TDRP: variants seen among roughly 807,000 people sequenced by gnomAD.
TDRP encodes testis development related protein.
A neutral mutation model predicts 10.5 loss-of-function variants in TDRP; 12 were observed. That is an observed-to-expected ratio of 1.15 (90% CI 0.73 to 1.86). The LOEUF (loss-of-function observed/expected upper bound fraction) is 1.86. Among genes scored for constraint, TDRP ranks in the 40% most tolerant of loss-of-function variants. The pLI, the probability that TDRP is intolerant of heterozygous loss-of-function variation, is 0.00. For synonymous variants in TDRP, 139 were observed against 95.4 expected (o/e 1.46, Z -2.67); for missense variants, 353 against 229.2 (o/e 1.54, Z -3.49).
chr8:523,259 C>G (rs781727478), intron 1 of TDRP, among the ~76,000 whole-genome samples: 68 of 152,088 alleles, frequency 4.5e-4, no homozygotes, highest in Non-Finnish European at 6.8e-4. Context: ...TTTAACTTAA[C>G]CCCGCATATA....
chr8:533,107 G>T (rs949122565), intron 1 of TDRP, among the ~76,000 whole-genome samples: 5 of 152,194 alleles, frequency 3.3e-5, no homozygotes, highest in African/African-American at 4.8e-5. Flanking sequence ...CTAGCACCAT[G>T]CTGTCTCCCC....
upstream of TDRP, among the ~76,000 whole-genome samples, chr8:545,368 C>A (rs1343508226): frequency 7.1e-6 from 1 of 140,580 alleles, no homozygotes; most frequent in Admixed American, 6.9e-5. Flanking sequence ...CCCCGAGCCC[C>A]CACCCGGCCC....
chr8:522,821 A>G (rs916943764), intron 1 of TDRP, among the ~76,000 whole-genome samples: 1 of 152,186 alleles, frequency 6.6e-6, no homozygotes, highest in African/African-American at 2.4e-5. Flanking sequence ...TTTATCCGAT[A>G]TAAGTAGGCC....
intron 1 of TDRP, among the ~76,000 whole-genome samples, chr8:510,580 A>T (rs1801589441): frequency 6.6e-6 from 1 of 152,260 alleles, no homozygotes; most frequent in Non-Finnish European, 1.5e-5. Flanking sequence ...GGAATAACAC[A>T]ATCAGAGCAC....
intron 1 of TDRP, among the ~76,000 whole-genome samples, chr8:511,142 A>G (rs1563122203): frequency 6.6e-6 from 1 of 152,314 alleles, no homozygotes; most frequent in East Asian, 1.9e-4. Flanking sequence ...TACTAATTCA[A>G]TATTAAATGT....
At chr8:534,903 G>A (rs74866190) in intron 1 of TDRP, among the ~76,000 whole-genome samples, 2,103 of 152,228 alleles carry the variant, frequency 0.014, 36 homozygotes, top group African/African-American at 0.048. Context: ...CACATGGCAG[G>A]CACCAGTATC....
rs1802595365 is a variant in TDRP at position 544,819 on chromosome 8, G to A, written c.-62C>T. On this transcript the variant is annotated 5_prime_UTR_variant, in exon 1 of 3. Coordinates refer to ENST00000324079, the MANE Select transcript of TDRP (RefSeq NM_001384899.1). ...CGGGCTGTGGCTCCGCGTCCCTCCC[G>A]GCCGCCGGACGCTCTGCCTGCGGCT... is the stretch of plus-strand genomic sequence containing the variant. 5 of 1,160,800 alleles carry A rather than the reference G, an allele frequency of 4.3e-6. No homozygotes were observed. In the South Asian group the frequency reaches 1.7e-4, roughly 40 times the overall value. The allele number at this position is 1,160,800 out of a possible 1,614,324, so 71.9% of individuals were successfully genotyped here. A position where few individuals can be genotyped will look rare whatever the true frequency, so the allele number is the denominator to read the frequency against.
At chr8:542,731 C>G (rs986831519) in intron 1 of TDRP, among the ~76,000 whole-genome samples, 8 of 151,760 alleles carry the variant, frequency 5.3e-5, no homozygotes, top group Non-Finnish European at 1.2e-4. Context: ...GGCGTGGTGA[C>G]ACATGCTCGT....
At chr8:505,639 C>T (rs772597699) in intron 1 of TDRP, among the ~76,000 whole-genome samples, 1 of 152,174 alleles carries the variant, frequency 6.6e-6, no homozygotes, top group Admixed American at 6.5e-5. Context: ...GCAGCAGGAA[C>T]GCATGGCCAA....
chr8:529,224 C>T (rs1193686727), intron 1 of TDRP, among the ~76,000 whole-genome samples: 1 of 152,176 alleles, frequency 6.6e-6, no homozygotes, highest in African/African-American at 2.4e-5. Context: ...ATCCTTCAAT[C>T]CAATCAAGTT....
At chr8:494,445 C>G (rs1220719207) in intron 2 of TDRP, 49 bp downstream of exon 2, 80 of 1,544,016 alleles carry the variant, frequency 5.2e-5, no homozygotes, top group Non-Finnish European at 6.4e-5. Context: ...TCCTCAGTGA[C>G]TTCCTCCCTC....
At position 494,740 on chromosome 8, in the gene TDRP, T is replaced by C. The variant is rs375163664; in HGVS notation, c.109-143A>G. On this transcript the variant is annotated intron_variant, in intron 1 of 2. Transcript: ENST00000324079. Reference sequence around the variant, plus strand: ...TTAGCTTTCCATACCTGTGCGCACATAGTTTACTCCCATTAGCTACTAGTC... The same window carrying C: ...TTAGCTTTCCATACCTGTGCGCACACAGTTTACTCCCATTAGCTACTAGTC... 40 of 656,080 alleles carry C rather than the reference T, an allele frequency of 6.1e-5. No homozygotes were observed. The East Asian group carries it at 9.2e-4, about 15-fold the overall frequency. 40.6% of individuals were successfully genotyped at this position (656,080 alleles called of 1,614,324 possible). A position where few individuals can be genotyped will look rare whatever the true frequency, so the allele number is the denominator to read the frequency against.
intron 1 of TDRP, among the ~76,000 whole-genome samples, chr8:528,522 A>G (rs1192382678): frequency 6.7e-6 from 1 of 150,012 alleles, no homozygotes; most frequent in Non-Finnish European, 1.5e-5. Context: ...GTATCCATCA[A>G]CATCAACATA....
At chr8:511,623 C>G (rs972232034) in intron 1 of TDRP, among the ~76,000 whole-genome samples, 3 of 152,188 alleles carry the variant, frequency 2.0e-5, no homozygotes, top group South Asian at 2.1e-4. Flanking sequence ...TTACAGAACT[C>G]TCCAACAATA....
chr8:526,059 T>A (rs1408091563), intron 1 of TDRP, among the ~76,000 whole-genome samples: 2 of 152,240 alleles, frequency 1.3e-5, no homozygotes, highest in Non-Finnish European at 2.9e-5. Context: ...GATTTTCCAA[T>A]TTATTGGCAT....
chr8:493,997 T>G (rs1443508443), intron 2 of TDRP, among the ~76,000 whole-genome samples: 2 of 147,722 alleles, frequency 1.4e-5, no homozygotes, highest in African/African-American at 5.0e-5. Context: ...TCTGTTGTTT[T>G]TTTTTTTTTT....
chr8:541,798 G>C (rs750761118), intron 1 of TDRP, among the ~76,000 whole-genome samples: 1 of 152,194 alleles, frequency 6.6e-6, no homozygotes, highest in Non-Finnish European at 1.5e-5. Context: ...CTCATTCCTT[G>C]TCCATGGGAG....
rs961183192 is a variant in TDRP at position 490,772 on chromosome 8, C to A, written c.*1627G>T. ...CTGTATTATGGAACAAAGAAAACCT[C>A]CACAACTTCACCATTTCAAGGTTCT... On this transcript the variant is annotated 3_prime_UTR_variant, in exon 3 of 3. Coordinates refer to ENST00000324079, the MANE Select transcript of TDRP (RefSeq NM_001384899.1). 2.6e-5 allele frequency: 4 copies of A among 152,156 alleles called. No individual in the cohort carries two copies. The highest frequency in any genetic ancestry group is 5.9e-5 in the Non-Finnish European group (4 of 68,032). The allele number at this position is 152,156 out of a possible 1,614,324, so 9.4% of individuals were successfully genotyped here.
chr8:518,085 C>T (rs762565647), intron 1 of TDRP, among the ~76,000 whole-genome samples: 4 of 152,112 alleles, frequency 2.6e-5, no homozygotes, highest in Non-Finnish European at 5.9e-5. Context: ...CAGACAACAC[C>T]CAGCGTAAAC....
Sources: gnomAD v4.1 joint callset for allele counts (sites outside exome capture counted in the v4.1 genomes callset) on GRCh38, gnomAD v4.1.1 for gene constraint, MANE v1.5 for transcripts, NCBI Gene and HGNC (gene_info 2026-07-23, HGNC 2026-07-21) for gene names.